Variants in CD200R1 observed in about 807,000 individuals in gnomAD.
The protein encoded by CD200R1 is CD200 receptor 1.
A neutral mutation model predicts 38.1 loss-of-function variants in CD200R1; 30 were observed. The ratio of observed to expected loss-of-function variants is 0.79; its 90% CI spans 0.59 to 1.07. The LOEUF is 1.07. CD200R1 is among the 50% of genes least tolerant of loss of function. The pLI is 0.00. For missense variants in CD200R1, 372 were observed against 415.4 expected (o/e 0.90, Z 0.91); for synonymous variants, 128 against 152.1 (o/e 0.84, Z 1.16).
chr3:112,939,263 A>T (rs1423640792), intron 2 of CD200R1, among the ~76,000 whole-genome samples: 1 of 151,982 alleles, frequency 6.6e-6, no homozygotes, highest in South Asian at 2.1e-4. Context: ...TAGTACTGGA[A>T]GTCTGGCCCA....
At chr3:112,928,712 G>A in intron 5 of CD200R1, 104 bp downstream of exon 5, 1 of 826,986 alleles carries the variant, frequency 1.2e-6, no homozygotes, top group South Asian at 1.9e-5. Flanking sequence ...AATGAAGAGT[G>A]GGGAGAGCAT....
At chr3:112,945,080 A>G (rs1272592444) in intron 2 of CD200R1, among the ~76,000 whole-genome samples, 1 of 152,210 alleles carries the variant, frequency 6.6e-6, no homozygotes, top group Non-Finnish European at 1.5e-5. Context: ...AGAAAATCTA[A>G]GTAAATGGAG....
chr3:112,958,666 C>A (rs949436572), intron 1 of CD200R1, among the ~76,000 whole-genome samples: 1 of 152,074 alleles, frequency 6.6e-6, no homozygotes, highest in Admixed American at 6.6e-5. Context: ...TAACTAAAAA[C>A]AGCATCAGAA....
At chr3:112,956,009 T>C (rs1454444335) in intron 1 of CD200R1, among the ~76,000 whole-genome samples, 3 of 152,128 alleles carry the variant, frequency 2.0e-5, no homozygotes, top group African/African-American at 7.2e-5. Context: ...TTGAATCTGA[T>C]TGTAGAGTTT....
intron 5 of CD200R1, among the ~76,000 whole-genome samples, chr3:112,926,471 A>G (rs1940283722): frequency 6.6e-6 from 1 of 152,200 alleles, no homozygotes. Flanking sequence ...TTAAATTTGT[A>G]CTAGCAGAAG....
intron 1 of CD200R1, among the ~76,000 whole-genome samples, chr3:112,949,771 G>A (rs917954532): frequency 6.6e-6 from 1 of 152,142 alleles, no homozygotes; most frequent in Admixed American, 6.6e-5. Flanking sequence ...CAGATCGCAT[G>A]GCAAGTCCAT....
intron 1 of CD200R1, among the ~76,000 whole-genome samples, chr3:112,957,202 A>G (rs1438344836): frequency 6.6e-6 from 1 of 152,182 alleles, no homozygotes; most frequent in Non-Finnish European, 1.5e-5. Flanking sequence ...TCTTATTAAT[A>G]TACTTATAAC....
At chr3:112,939,692 T>C (rs909175897) in intron 2 of CD200R1, among the ~76,000 whole-genome samples, 4 of 151,886 alleles carry the variant, frequency 2.6e-5, no homozygotes, top group Admixed American at 2.0e-4. Context: ...GAATAACTAA[T>C]ATTGTTAAAA....
chr3:112,955,333 T>TA (rs1188353226), intron 1 of CD200R1, among the ~76,000 whole-genome samples: 1 of 152,184 alleles, frequency 6.6e-6, no homozygotes, highest in African/African-American at 2.4e-5. Context: ...AGTGGGGTAC[T>TA]AAAGTCCCCT....
chr3:112,951,355 T>C (rs1183395272), intron 1 of CD200R1, among the ~76,000 whole-genome samples: 1 of 152,056 alleles, frequency 6.6e-6, no homozygotes, highest in Non-Finnish European at 1.5e-5. Flanking sequence ...AAACTGAATT[T>C]GTTGATAAAA....
chr3:112,963,529 C>T (rs1430582391), intron 1 of CD200R1, among the ~76,000 whole-genome samples: 2 of 152,142 alleles, frequency 1.3e-5, no homozygotes, highest in Non-Finnish European at 2.9e-5. Flanking sequence ...GCATTTTGCT[C>T]CTGCCCTAGA....
intron 2 of CD200R1, 135 bp downstream of exon 2, chr3:112,947,721 T>A: frequency 1.9e-6 from 1 of 524,236 alleles, no homozygotes; most frequent in Non-Finnish European, 3.4e-6. Context: ...ATGAAAAATT[T>A]ATTAACACTC....
intron 1 of CD200R1, among the ~76,000 whole-genome samples, chr3:112,963,097 C>T (rs1179644282): frequency 6.6e-6 from 1 of 152,202 alleles, no homozygotes; most frequent in African/African-American, 2.4e-5. Flanking sequence ...TAAGATGTGC[C>T]TTTCACCTTC....
chr3:112,923,890 T>C (rs1319411772), intron 7 of CD200R1, 91 bp from the exon 8 acceptor site: 1 of 736,842 alleles, frequency 1.4e-6, no homozygotes, highest in Non-Finnish European at 2.2e-6. Context: ...CTTTAGTATT[T>C]CTAACAGGTG....
intron 1 of CD200R1, among the ~76,000 whole-genome samples, chr3:112,956,764 G>T (rs938293106): frequency 6.6e-6 from 1 of 152,196 alleles, no homozygotes. Flanking sequence ...CCTAAGCCTA[G>T]TACTACTATG....
intron 2 of CD200R1, 32 bp from the exon 3 acceptor site, chr3:112,931,203 T>C (rs1940426478): frequency 2.1e-6 from 3 of 1,404,264 alleles, no homozygotes; most frequent in African/African-American, 2.8e-5. Flanking sequence ...ATAAATGAAA[T>C]CAATTTTATG....
intron 2 of CD200R1, among the ~76,000 whole-genome samples, chr3:112,941,082 A>G (rs1940716696): frequency 6.6e-6 from 1 of 151,560 alleles, no homozygotes; most frequent in African/African-American, 2.4e-5. Context: ...TTCTCATTCT[A>G]TGCAGAAGTT....
chr3:112,974,944 T>C lies in CD200R1; in HGVS notation c.-87A>G. 1 of 1,037,550 alleles carries C rather than the reference T, an allele frequency of 9.6e-7. No homozygotes were observed. The highest frequency in any genetic ancestry group is 1.5e-6 in the Non-Finnish European group (1 of 669,282). 64.3% of individuals were successfully genotyped at this position (1,037,550 alleles called of 1,614,324 possible). ...ACTGTGCGCATGGTGAGACCCTCTCTGGTCAACTTCTCAGTACAGGATCCT... is the reference window on the plus strand; with the variant it reads ...ACTGTGCGCATGGTGAGACCCTCTCCGGTCAACTTCTCAGTACAGGATCCT... On this transcript the variant is annotated 5_prime_UTR_variant, in exon 1 of 8. Transcript: ENST00000308611.
intron 1 of CD200R1, among the ~76,000 whole-genome samples, chr3:112,963,465 G>C (rs975446402): frequency 6.6e-6 from 1 of 152,210 alleles, no homozygotes. Flanking sequence ...TGAGGATCTT[G>C]TTGGGAACTG....
Sources: allele counts gnomAD v4.1 joint callset (sites outside exome capture counted in the v4.1 genomes callset), GRCh38; gene constraint gnomAD v4.1.1; transcripts MANE v1.5; gene names NCBI Gene and HGNC (gene_info 2026-07-23, HGNC 2026-07-21).